RNF180: variants seen among roughly 807,000 people sequenced by gnomAD.
RNF180 encodes the protein ring finger protein 180, also known as E3 ubiquitin-protein ligase RNF180.
RNF180 carries 38 observed loss-of-function variants against 59.2 expected under a neutral mutation model. The ratio of observed to expected loss-of-function variants is 0.64; its 90% CI spans 0.50 to 0.84. The LOEUF (loss-of-function observed/expected upper bound fraction) is 0.84. Ranked by LOEUF, RNF180 falls within the 40% of genes least tolerant of loss-of-function variation. The pLI is 0.00. For missense variants in RNF180, 705 were observed against 700.9 expected, an observed-to-expected ratio of 1.01 and a Z score of -0.07; for synonymous variants, 262 against 240.3, an observed-to-expected ratio of 1.09 and a Z score of -0.84.
At chr5:64,218,237 A>T (rs908275154) in intron 5 of RNF180, among the ~76,000 whole-genome samples, 1 of 152,304 alleles carries the variant, frequency 6.6e-6, no homozygotes, top group East Asian at 1.9e-4. Context: ...TTCTTCAAAA[A>T]GTTTTATAGT....
rs1361140395 is a variant in RNF180 at position 64,372,036 on chromosome 5, G to GA, written c.*2227dup. 6.6e-6 allele frequency: 1 copy of GA among 151,530 alleles called. No individual in the cohort carries two copies. The highest frequency in any genetic ancestry group is 1.5e-5 in the Non-Finnish European group (1 of 67,716). 9.4% of individuals were successfully genotyped at this position (151,530 alleles called of 1,614,324 possible). Reference sequence around the variant, plus strand: ...TAAAGAGCCAAAGAAAGGAAAAGAAGAAAAATGTTAAAGTTAATGAAGCAT... The same window carrying GA: ...TAAAGAGCCAAAGAAAGGAAAAGAAGAAAAAATGTTAAAGTTAATGAAGCAT... On this transcript the variant is annotated 3_prime_UTR_variant, in exon 8 of 8. Transcript: ENST00000389100.
chr5:64,367,483 A>T (rs2112618414), intron 7 of RNF180, among the ~76,000 whole-genome samples: 1 of 151,690 alleles, frequency 6.6e-6, no homozygotes, highest in East Asian at 1.9e-4. Flanking sequence ...ACCTATTTGA[A>T]ATGTAGCTCT....
intron 1 of RNF180, among the ~76,000 whole-genome samples, chr5:64,179,871 T>G (rs1750475683): frequency 6.6e-6 from 1 of 152,224 alleles, no homozygotes; most frequent in South Asian, 2.1e-4. Context: ...TTTGAGATTC[T>G]TCTTGTTGCT....
chr5:64,222,096 T>C (rs530084490), intron 5 of RNF180, among the ~76,000 whole-genome samples: 2 of 152,296 alleles, frequency 1.3e-5, no homozygotes, highest in East Asian at 3.9e-4. Context: ...TTCTCTGTTT[T>C]TGATGACCTT....
intron 5 of RNF180, among the ~76,000 whole-genome samples, chr5:64,236,252 G>A (rs548169309): frequency 2.6e-5 from 4 of 152,358 alleles, no homozygotes; most frequent in African/African-American, 9.6e-5. Context: ...GGGAACTGGA[G>A]TAAAGGTCAC....
In RNF180 at chr5:64,277,793, C is replaced by T. The variant is rs544863269; in HGVS notation, c.1228-47393C>T. 2.6e-5 allele frequency among the ~76,000 whole-genome samples: 4 copies of T among 152,258 alleles called. No individual in the cohort carries two copies. In the East Asian group the frequency reaches 7.7e-4, roughly 29 times the overall value. ...AAAGGAATAGTGTCAGCTCCTTCTT[C>T]TCCTTTCATCAGGAAATCAAAAGCT... On this transcript the variant is annotated intron_variant, in intron 5 of 7. Coordinates refer to ENST00000389100, the MANE Select transcript of RNF180 (RefSeq NM_001113561.2).
chr5:64,353,128 G>C (rs1378937774), intron 7 of RNF180, among the ~76,000 whole-genome samples: 2 of 151,660 alleles, frequency 1.3e-5, no homozygotes, highest in Non-Finnish European at 2.9e-5. Flanking sequence ...CTTTACCAAT[G>C]AATTTAAGTT....
intron 2 of RNF180, among the ~76,000 whole-genome samples, chr5:64,203,583 T>C (rs1280350270): frequency 6.6e-6 from 1 of 152,238 alleles, no homozygotes; most frequent in East Asian, 1.9e-4. Context: ...TGAAAATACC[T>C]TATAAAGTAA....
intron 5 of RNF180, among the ~76,000 whole-genome samples, chr5:64,289,283 TTC>T (rs1482201533): frequency 6.6e-6 from 1 of 152,230 alleles, no homozygotes; most frequent in Non-Finnish European, 1.5e-5. Flanking sequence ...TGCTGCTGGA[TTC>T]TGTTTGCCAG....
At chr5:64,342,931 T>C (rs1745412636) in intron 7 of RNF180, among the ~76,000 whole-genome samples, 1 of 152,118 alleles carries the variant, frequency 6.6e-6, no homozygotes, top group Admixed American at 6.6e-5. Context: ...AGATTGAGTA[T>C]AATGAAAGTA....
At chr5:64,253,416 C>G (rs961338884) in intron 5 of RNF180, among the ~76,000 whole-genome samples, 2 of 152,090 alleles carry the variant, frequency 1.3e-5, no homozygotes, top group African/African-American at 4.8e-5. Flanking sequence ...TATTTCAATA[C>G]TAATATTTAT....
At chr5:64,217,060 T>G (rs1341764890) in intron 4 of RNF180, among the ~76,000 whole-genome samples, 1 of 152,192 alleles carries the variant, frequency 6.6e-6, no homozygotes, top group African/African-American at 2.4e-5. Flanking sequence ...TTTTGTCTTT[T>G]TGATAATGTT....
intron 5 of RNF180, among the ~76,000 whole-genome samples, chr5:64,229,901 G>A (rs761900198): frequency 6.6e-6 from 1 of 152,190 alleles, no homozygotes; most frequent in Non-Finnish European, 1.5e-5. Context: ...ACTTGGGTTT[G>A]ATAAATCATC....
intron 5 of RNF180, among the ~76,000 whole-genome samples, chr5:64,320,224 T>G (rs373866205): frequency 2.0e-5 from 3 of 152,212 alleles, no homozygotes; most frequent in East Asian, 1.9e-4. Flanking sequence ...GTCTTGATCC[T>G]GCCCTTCCAC....
chr5:64,366,887 T>A (rs1746474026), intron 7 of RNF180, among the ~76,000 whole-genome samples: 1 of 151,374 alleles, frequency 6.6e-6, no homozygotes, highest in East Asian at 1.9e-4. Flanking sequence ...AGCTCAGAAA[T>A]CCCCAAATAG....
At chr5:64,334,560 TA>T (rs1426112347) in intron 7 of RNF180, among the ~76,000 whole-genome samples, 1 of 152,202 alleles carries the variant, frequency 6.6e-6, no homozygotes, top group Non-Finnish European at 1.5e-5. Context: ...CTTCTTTGTT[TA>T]CCCTGATTCC....
chr5:64,325,269 C>G lies in RNF180; in HGVS notation c.1311C>G (p.Asp437Glu). 6.4e-7 allele frequency: 1 copy of G among 1,551,242 alleles called. No individual in the cohort carries two copies. The highest frequency in any genetic ancestry group is 8.7e-7 in the Non-Finnish European group (1 of 1,146,610). ...GCTACATCTGTGCAGTGTGTCTGGACGTTTATTTCAACCCTTATATGTGTT... is the reference window on the plus strand; with the variant it reads ...GCTACATCTGTGCAGTGTGTCTGGAGGTTTATTTCAACCCTTATATGTGTT... ...KDSYICAVCL[D>E]VYFNPYMCYP... Residue 437 changes from aspartate to glutamate, a missense_variant, in exon 6 of 8, where the codon GAC (aspartate) becomes GAG (glutamate). By Grantham distance (45) the Asp-to-Glu change is conservative (BLOSUM62 2). Transcript: ENST00000389100.
chr5:64,317,017 CA>C (rs1343654828), intron 5 of RNF180, among the ~76,000 whole-genome samples: 6 of 152,172 alleles, frequency 3.9e-5, no homozygotes, highest in African/African-American at 1.2e-4. Context: ...ACAAATACTG[CA>C]TTTTAGATTC....
intron 5 of RNF180, among the ~76,000 whole-genome samples, chr5:64,218,246 G>A (rs1752739265): frequency 1.3e-5 from 2 of 152,038 alleles, no homozygotes; most frequent in Admixed American, 6.6e-5. Flanking sequence ...AAGTTTTATA[G>A]TTTTAAGTTT....
Sources: gnomAD v4.1 joint callset for allele counts (sites outside exome capture counted in the v4.1 genomes callset) on GRCh38, gnomAD v4.1.1 for gene constraint, MANE v1.5 for transcripts, NCBI Gene and HGNC (gene_info 2026-07-23, HGNC 2026-07-21) for gene names.